Variants in PAH observed in about 807,000 individuals in gnomAD.
The protein encoded by PAH is phenylalanine-4-hydroxylase.
Under a neutral mutation model 62.0 loss-of-function variants are expected in PAH, and 64 were observed. That is an observed-to-expected ratio of 1.03 (90% confidence interval 0.84 to 1.27). The LOEUF (loss-of-function observed/expected upper bound fraction) is 1.27. Among genes scored for constraint, PAH ranks in the 50% most tolerant of loss-of-function variants. The pLI, the probability that PAH is intolerant of heterozygous loss-of-function variation, is 0.00. For synonymous variants in PAH, 195 were observed against 196.2 expected (o/e 0.99, Z 0.05); for missense variants, 579 against 542.8 (o/e 1.07, Z -0.66).
intron 3 of PAH, among the ~76,000 whole-genome samples, chr12:102,883,253 A>T (rs2136686886): frequency 6.6e-6 from 1 of 152,316 alleles, no homozygotes; most frequent in Admixed American, 6.5e-5. Flanking sequence ...TACAGTCACT[A>T]CATTTGTTCA....
intron 1 of PAH, among the ~76,000 whole-genome samples, chr12:102,941,002 G>T (rs1879267121): frequency 6.6e-6 from 1 of 152,178 alleles, no homozygotes; most frequent in Non-Finnish European, 1.5e-5. Context: ...AACCAGAAGA[G>T]ATTGGGGATC....
At chr12:102,954,546 C>A (rs141001915), upstream of PAH, among the ~76,000 whole-genome samples, 56 of 152,282 alleles carry the variant, frequency 3.7e-4, no homozygotes, top group African/African-American at 1.2e-3. Flanking sequence ...GAAATAGAGA[C>A]CCCTAGAGTG....
intron 2 of PAH, among the ~76,000 whole-genome samples, chr12:102,899,252 C>A (rs1251143592): frequency 6.6e-6 from 1 of 152,090 alleles, no homozygotes; most frequent in African/African-American, 2.4e-5. Flanking sequence ...AATGGACACA[C>A]CTCTGGCACG....
chr12:102,948,492 A>G (rs1253094999), intron 1 of PAH, among the ~76,000 whole-genome samples: 1 of 152,150 alleles, frequency 6.6e-6, no homozygotes, highest in African/African-American at 2.4e-5. Context: ...GGGGCTGGGT[A>G]GGTTGTTCCT....
intron 9 of PAH, among the ~76,000 whole-genome samples, chr12:102,844,636 C>T (rs1406913838): frequency 6.6e-6 from 1 of 152,126 alleles, no homozygotes; most frequent in Admixed American, 6.6e-5. Flanking sequence ...CGGGAACCAC[C>T]CAATGGGCTG....
rs2136649964 is a variant in PAH at position 102,855,348 on chromosome 12, A to C, written c.510-16T>G. 3.1e-6 allele frequency: 5 copies of C among 1,612,354 alleles called. No homozygotes were observed. The highest frequency in any genetic ancestry group is 4.2e-6 in the Non-Finnish European group (5 of 1,178,534). On this transcript the variant is annotated splice_polypyrimidine_tract_variant and intron_variant, in intron 5 of 12. Transcript: ENST00000553106. The stretch of plus-strand genomic sequence containing the variant: ...GGGCTGCCCACTAGAATACAGGCAC[A>C]AAATAGGTGTCTCAAGCAGGGCAGG...
intron 9 of PAH, 105 bp from the exon 10 acceptor site, chr12:102,844,536 G>T: frequency 2.5e-6 from 2 of 786,408 alleles, no homozygotes; most frequent in South Asian, 1.5e-5. Flanking sequence ...GCATTATTTT[G>T]GGGTGTGTCT....
intron 8 of PAH, among the ~76,000 whole-genome samples, chr12:102,850,965 T>A (rs1319840614): frequency 6.6e-6 from 1 of 151,924 alleles, no homozygotes; most frequent in Non-Finnish European, 1.5e-5. Context: ...GTGCTTGTAG[T>A]CCCAGCCACT....
At chr12:102,922,471 C>T (rs1054787230) in intron 1 of PAH, among the ~76,000 whole-genome samples, 1 of 152,150 alleles carries the variant, frequency 6.6e-6, no homozygotes, top group Non-Finnish European at 1.5e-5. Context: ...GGATTACAGG[C>T]GTGAGTCACC....
intron 11 of PAH, among the ~76,000 whole-genome samples, chr12:102,841,997 A>T (rs1874615178): frequency 6.6e-6 from 1 of 152,108 alleles, no homozygotes; most frequent in African/African-American, 2.4e-5. Flanking sequence ...CCTTGTTTTG[A>T]ACTCTGTTCT....
Position 102,866,614 on chromosome 12 carries a change from A to G in PAH, c.491T>C (p.Ile164Thr), listed in dbSNP as rs199475595. Residue 164 changes from isoleucine to threonine, a missense_variant, in exon 5 of 13, where the codon ATT (isoleucine) becomes ACT (threonine). Ile to Thr is a moderately conservative substitution (Grantham distance 89). Transcript: ENST00000553106. ...YRARRKQFAD[I>T]AYNYRHGQPI... ...GACTTACTGGCGGTAGTTGTAGGCA[A>G]TGTCAGCAAACTGCTTCCGTCTTGC... 1 of 1,613,732 alleles carries G rather than the reference A, an allele frequency of 6.2e-7. No homozygotes were observed. Among genetic ancestry groups the G allele is most frequent in the Non-Finnish European group, 8.5e-7 (1 of 1,179,716 alleles).
intron 1 of PAH, chr12:102,916,671 T>A: frequency 3.8e-6 from 1 of 264,804 alleles, no homozygotes; most frequent in Non-Finnish European, 7.4e-6. Context: ...GAGCACTTTA[T>A]AAATATTACA....
chr12:102,930,119 T>A (rs897387917), intron 1 of PAH, among the ~76,000 whole-genome samples: 1 of 152,220 alleles, frequency 6.6e-6, no homozygotes, highest in Non-Finnish European at 1.5e-5. Flanking sequence ...ATTTTAAAAA[T>A]GAGAAAATAA....
intron 3 of PAH, among the ~76,000 whole-genome samples, chr12:102,884,535 C>A (rs145222794): frequency 6.6e-6 from 1 of 152,114 alleles, no homozygotes; most frequent in Non-Finnish European, 1.5e-5. Flanking sequence ...TTAATTCCTG[C>A]GTCTCTGGCT....
rs12580432 is a variant in PAH at position 102,844,239 on chromosome 12, C to T, written c.1065+97G>A. The T allele has an allele frequency of 0.27, 235,883 of 862,996 alleles. 38,939 individuals carry two copies. The highest frequency in any genetic ancestry group is 0.76 in the East Asian group (29,860 of 39,354). The allele number at this position is 862,996 out of a possible 1,614,324, so 53.5% of individuals were successfully genotyped here. On this transcript the variant is annotated intron_variant, in intron 10 of 12. Transcript: ENST00000553106. ...TGAGTTCCCAGGTTGCATATCAAAA[C>T]GGATACAAATAGGGTTTCAACAATA...
chr12:102,919,552 A>T (rs1878503594), upstream of PAH, among the ~76,000 whole-genome samples: 1 of 151,766 alleles, frequency 6.6e-6, no homozygotes, highest in African/African-American at 2.4e-5. Context: ...TTCTTTCTAT[A>T]TTTTTTTGTA....
rs567261857 is a variant in PAH, at chr12:102,840,433, G to C, written c.1282C>G (p.Gln428Glu). Residue 428 changes from glutamine (Q) to glutamate (E), a missense_variant, in exon 12 of 13, where the codon CAG (glutamine) becomes GAG (glutamate). Transcript: ENST00000553106. ...TQRIEVLDNT[Q>E]QLKILADSIN... ...GAATCAGCCAAAATCTTAAGCTGCT[G>C]GGTATTGTCCAAGACCTCAATCCTT... 15 of 1,613,764 alleles carry C rather than the reference G, an allele frequency of 9.3e-6. No individual in the cohort carries two copies. In the African/African-American group the frequency reaches 1.6e-4, roughly 17 times the overall value.
chr12:102,918,147 G>A (rs1416290392), upstream of PAH, among the ~76,000 whole-genome samples: 1 of 152,202 alleles, frequency 6.6e-6, no homozygotes, highest in Non-Finnish European at 1.5e-5. Context: ...TGGTCTATGA[G>A]TGAGCTGGTG....
chr12:102,914,709 T>C (rs1878323315), intron 1 of PAH: 1 of 152,244 alleles, frequency 6.6e-6, no homozygotes, highest in Non-Finnish European at 1.5e-5. Context: ...TTTTCTCCTG[T>C]TGGCTTCCAA....
Sources: allele counts gnomAD v4.1 joint callset (sites outside exome capture counted in the v4.1 genomes callset), GRCh38; gene constraint gnomAD v4.1.1; transcripts MANE v1.5; gene names NCBI Gene and HGNC (gene_info 2026-07-23, HGNC 2026-07-21).